STXBP5L: variants seen among roughly 807,000 people sequenced by gnomAD.
STXBP5L encodes syntaxin-binding protein 5-like.
In STXBP5L, 65 loss-of-function variants were observed where a neutral mutation model predicts 144.5. The ratio of observed to expected loss-of-function variants is 0.45; its 90% CI spans 0.37 to 0.55. The LOEUF (loss-of-function observed/expected upper bound fraction) is 0.55. Among genes scored for constraint, STXBP5L ranks in the 20% least tolerant of loss-of-function variants. The probability of loss-of-function intolerance (pLI) is 0.00; values close to 1 mark genes in which losing one functional copy is unlikely to be tolerated. For synonymous variants in STXBP5L, 505 were observed against 469.6 expected (o/e 1.08, Z -0.97); for missense variants, 1,298 against 1,405.5 (o/e 0.92, Z 1.22).
At position 121,255,112 on chromosome 3, in the gene STXBP5L, G is replaced by A; in HGVS notation, c.1659G>A (p.Val553=). The change falls in exon 16 of 27, where the codon GTG becomes GTA. Residue 553 remains valine, a splice_region_variant and synonymous_variant. Coordinates refer to ENST00000471454, the MANE Select transcript of STXBP5L (RefSeq NM_001308330.2). ...GACATGAAATTACAACAGAAATAGTGGTAAGTTATTTAAAATTTAACTTTC... is the reference window on the plus strand; with the variant it reads ...GACATGAAATTACAACAGAAATAGTAGTAAGTTATTTAAAATTTAACTTTC... ...FSRHEITTEI[V]SLEVRLQYDV... 1.3e-6 allele frequency: 2 copies of A among 1,564,824 alleles called. No homozygotes were observed. The highest frequency in any genetic ancestry group is 2.3e-5 in the East Asian group (1 of 44,064).
In STXBP5L at chr3:120,965,757, G is replaced by A. The variant is rs149424002; in HGVS notation, c.287+10720G>A. ...TTGAATCTGACAGTTATGTGTCTTG[G>A]GGTTGCTCTTCTCAAAGAGTATCTT... On this transcript the variant is annotated intron_variant, in intron 3 of 26. Coordinates refer to ENST00000471454, the MANE Select transcript of STXBP5L (RefSeq NM_001308330.2). 1.7e-3 allele frequency among the ~76,000 whole-genome samples: 265 copies of A among 152,040 alleles called. 6 individuals carry two copies. In the East Asian group the frequency reaches 0.047, roughly 27 times the overall value.
chr3:120,953,997 G>T (rs1390257871), intron 2 of STXBP5L, among the ~76,000 whole-genome samples: 1 of 152,074 alleles, frequency 6.6e-6, no homozygotes, highest in South Asian at 2.1e-4. Context: ...AAAGTTGAAA[G>T]AATTATATTG....
chr3:121,200,490 C>T (rs113443623), intron 9 of STXBP5L, among the ~76,000 whole-genome samples: 1,759 of 152,262 alleles, frequency 0.012, 35 homozygotes, highest in African/African-American at 0.039. Flanking sequence ...CAGTTCCACT[C>T]TGAACTTAGT....
At chr3:121,034,681 C>T (rs746694082) in intron 3 of STXBP5L, among the ~76,000 whole-genome samples, 4 of 152,066 alleles carry the variant, frequency 2.6e-5, no homozygotes, top group East Asian at 1.9e-4. Context: ...CTGCAATAAA[C>T]TTATAAGTGG....
Position 121,222,916 on chromosome 3 carries a change from C to T in STXBP5L, c.957-87C>T. The T allele has an allele frequency of 8.3e-6, 12 of 1,448,052 alleles. No homozygotes were observed. In the South Asian group the frequency reaches 1.4e-4, roughly 17 times the overall value. The allele number at this position is 1,448,052 out of a possible 1,614,324, so 89.7% of individuals were successfully genotyped here. On this transcript the variant is annotated intron_variant, in intron 10 of 26. Transcript: ENST00000471454. ...GTCTGTCATGTTATATGGTATGCAA[C>T]AAAACCTGTTCTTTATAGGTTCAGT... is the stretch of plus-strand genomic sequence containing the variant.
rs138159816 is a variant in STXBP5L at position 121,052,144 on chromosome 3, C to T, written c.470+6609C>T. On this transcript the variant is annotated intron_variant, in intron 5 of 26. Transcript: ENST00000471454. ...CAGATGGATTCACAACCGAATTCTA[C>T]CCGAGGTACAAGGAGGAGCTGGTAC... is the stretch of plus-strand genomic sequence containing the variant. Among the ~76,000 whole-genome samples the T allele has an allele frequency of 5.4e-3, 819 of 152,242 alleles. 12 individuals carry two copies. The highest frequency in any genetic ancestry group is 0.019 in the African/African-American group (785 of 41,536).
At chr3:121,062,134 T>G (rs1468419843) in intron 5 of STXBP5L, among the ~76,000 whole-genome samples, 1 of 152,178 alleles carries the variant, frequency 6.6e-6, no homozygotes, top group Non-Finnish European at 1.5e-5. Flanking sequence ...AGTGCTTCCT[T>G]CAGGAGCTCT....
intron 22 of STXBP5L, among the ~76,000 whole-genome samples, chr3:121,388,875 G>T (rs1370320772): frequency 6.6e-6 from 1 of 152,138 alleles, no homozygotes; most frequent in Non-Finnish European, 1.5e-5. Context: ...TCTCTGCCAG[G>T]CTTTGGTATA....
At chr3:121,113,344 A>G (rs2044082518) in intron 5 of STXBP5L, among the ~76,000 whole-genome samples, 1 of 152,164 alleles carries the variant, frequency 6.6e-6, no homozygotes, top group African/African-American at 2.4e-5. Context: ...CTAAGATTGA[A>G]TTGAAAATTG....
At chr3:120,980,029 T>G (rs1163893969) in intron 3 of STXBP5L, among the ~76,000 whole-genome samples, 1 of 152,194 alleles carries the variant, frequency 6.6e-6, no homozygotes, top group Non-Finnish European at 1.5e-5. Flanking sequence ...TTTGTATCTT[T>G]TTGATAGTTT....
At chr3:121,167,966 C>T (rs1415831094) in intron 9 of STXBP5L, among the ~76,000 whole-genome samples, 1 of 152,096 alleles carries the variant, frequency 6.6e-6, no homozygotes, top group African/African-American at 2.4e-5. Context: ...CCCTCTGGGA[C>T]AAGCTTCCAG....
intron 2 of STXBP5L, among the ~76,000 whole-genome samples, chr3:120,922,856 C>T (rs1313992382): frequency 6.6e-6 from 1 of 151,744 alleles, no homozygotes; most frequent in Non-Finnish European, 1.5e-5. Flanking sequence ...GTCTGGTTTT[C>T]ATAATTCTGG....
chr3:121,226,026 G>A (rs772299380), intron 11 of STXBP5L, among the ~76,000 whole-genome samples: 5 of 152,118 alleles, frequency 3.3e-5, no homozygotes, highest in Non-Finnish European at 5.9e-5. Context: ...GAGAGACAGG[G>A]AGCTGAAAAA....
intron 5 of STXBP5L, among the ~76,000 whole-genome samples, chr3:121,082,022 A>G (rs2042269567): frequency 1.3e-5 from 2 of 152,268 alleles, no homozygotes; most frequent in Middle Eastern, 3.4e-3. Flanking sequence ...TATTGTAACC[A>G]TACAGTAAGC....
chr3:121,082,853 T>A (rs1181045470), intron 5 of STXBP5L, among the ~76,000 whole-genome samples: 1 of 152,232 alleles, frequency 6.6e-6, no homozygotes, highest in Non-Finnish European at 1.5e-5. Context: ...AATAAGCCTC[T>A]CTTGTTTTTA....
chr3:121,005,891 G>A (rs1373878333), intron 3 of STXBP5L, among the ~76,000 whole-genome samples: 8 of 152,094 alleles, frequency 5.3e-5, no homozygotes, highest in African/African-American at 1.9e-4. Context: ...CTGACTTCTA[G>A]TTTGATTGCA....
At chr3:121,235,826 CACACACACACACACAT>C in intron 12 of STXBP5L, among the ~76,000 whole-genome samples, 1 of 138,820 alleles carries the variant, frequency 7.2e-6, no homozygotes, top group South Asian at 2.5e-4. Context: ...AACACACACA[CACACACACACACACAT>C]ACACACACAC....
At chr3:120,962,414 C>A (rs1005189473) in intron 3 of STXBP5L, among the ~76,000 whole-genome samples, 7 of 152,050 alleles carry the variant, frequency 4.6e-5, no homozygotes, top group Non-Finnish European at 8.8e-5. Flanking sequence ...TTTTAGGTCT[C>A]ACATGTAATT....
intron 10 of STXBP5L, among the ~76,000 whole-genome samples, chr3:121,209,064 C>T (rs1232442789): frequency 6.6e-6 from 1 of 152,124 alleles, no homozygotes; most frequent in African/African-American, 2.4e-5. Flanking sequence ...TGATGGTTTC[C>T]AGCTTCATCC....
Sources: allele counts gnomAD v4.1 joint callset (sites outside exome capture counted in the v4.1 genomes callset), GRCh38; gene constraint gnomAD v4.1.1; transcripts MANE v1.5; gene names NCBI Gene and HGNC (gene_info 2026-07-23, HGNC 2026-07-21).